Variants in ADGRL3 observed in about 807,000 individuals in gnomAD.
ADGRL3 encodes the protein calcium-independent alpha-latrotoxin receptor 3.
In ADGRL3, 62 loss-of-function variants were observed where a neutral mutation model predicts 153.5. The observed-to-expected ratio is 0.40, with a 90% CI of 0.33 to 0.50. ADGRL3 has a LOEUF of 0.50. Ranked by LOEUF, ADGRL3 falls within the 20% of genes least tolerant of loss-of-function variation. ADGRL3 has a pLI of 0.47. For synonymous variants in ADGRL3, 710 were observed against 672.5 expected (o/e 1.06, Z -0.86); for missense variants, 1,641 against 1,859.4 (o/e 0.88, Z 2.16).
At chr4:61,395,039 G>C (rs898243708) in intron 2 of ADGRL3, among the ~76,000 whole-genome samples, 2 of 151,980 alleles carry the variant, frequency 1.3e-5, no homozygotes, top group African/African-American at 4.8e-5. Flanking sequence ...GAAATCTTCA[G>C]TGTTATTAAT....
At chr4:61,788,788 A>T (rs548153063) in intron 8 of ADGRL3, among the ~76,000 whole-genome samples, 3 of 152,332 alleles carry the variant, frequency 2.0e-5, no homozygotes, top group Admixed American at 1.3e-4. Context: ...AAGTTTAAGG[A>T]TCTATGTACA....
chr4:61,362,717 G>C (rs533839930), intron 1 of ADGRL3, among the ~76,000 whole-genome samples: 171 of 152,190 alleles, frequency 1.1e-3, no homozygotes, highest in Middle Eastern at 6.8e-3. Flanking sequence ...GAGTAGGGCT[G>C]TTCTTACTGT....
At chr4:61,810,076 C>T (rs2097593518) in intron 8 of ADGRL3, among the ~76,000 whole-genome samples, 1 of 151,978 alleles carries the variant, frequency 6.6e-6, no homozygotes, top group Non-Finnish European at 1.5e-5. Flanking sequence ...ATGATCTTAC[C>T]CATTAAACTA....
chr4:61,513,571 C>G (rs759430467), intron 3 of ADGRL3, among the ~76,000 whole-genome samples: 1 of 152,022 alleles, frequency 6.6e-6, no homozygotes, highest in Admixed American at 6.6e-5. Context: ...TTATATTTCA[C>G]GCTTGCCCAC....
intron 8 of ADGRL3, among the ~76,000 whole-genome samples, chr4:61,793,216 A>G (rs1054406031): frequency 1.3e-5 from 2 of 152,074 alleles, no homozygotes; most frequent in African/African-American, 4.8e-5. Flanking sequence ...TGAGGTCAGG[A>G]GGTCAAGACC....
At chr4:61,761,111 G>A (rs989993712) in intron 8 of ADGRL3, among the ~76,000 whole-genome samples, 1 of 152,206 alleles carries the variant, frequency 6.6e-6, no homozygotes, top group Non-Finnish European at 1.5e-5. Context: ...GGTCCATCAA[G>A]TGAAGGTTTG....
intron 2 of ADGRL3, among the ~76,000 whole-genome samples, chr4:61,474,184 G>A (rs2098011631): frequency 6.6e-6 from 1 of 152,174 alleles, no homozygotes; most frequent in Non-Finnish European, 1.5e-5. Context: ...GAGAATGTAA[G>A]ACAACTTGAG....
intron 5 of ADGRL3, among the ~76,000 whole-genome samples, chr4:61,591,130 T>A (rs1434632341): frequency 2.0e-5 from 3 of 152,184 alleles, no homozygotes; most frequent in African/African-American, 7.2e-5. Flanking sequence ...CTATCCTGAT[T>A]TGAAAAACTA....
At chr4:61,341,577 T>C (rs1250016763) in intron 1 of ADGRL3, among the ~76,000 whole-genome samples, 1 of 151,726 alleles carries the variant, frequency 6.6e-6, no homozygotes, top group Non-Finnish European at 1.5e-5. Flanking sequence ...GCATAAGATA[T>C]TCATTTATTT....
chr4:61,246,833 A>AAT (rs1757291584), intron 1 of ADGRL3, among the ~76,000 whole-genome samples: 1 of 151,690 alleles, frequency 6.6e-6, no homozygotes, highest in African/African-American at 2.4e-5. Flanking sequence ...TCAGAAAAAG[A>AAT]ATATATATAT....
intron 1 of ADGRL3, among the ~76,000 whole-genome samples, chr4:61,262,875 G>A (rs1281658497): frequency 1.3e-5 from 2 of 152,028 alleles, no homozygotes; most frequent in Admixed American, 6.6e-5. Flanking sequence ...AAAAACTGCT[G>A]TAACTCAACC....
At position 61,852,810 on chromosome 4, in the gene ADGRL3, T is replaced by TTTTATTTA. The variant is rs145148534; in HGVS notation, c.1480+38952_1480+38959dup. Among the ~76,000 whole-genome samples, 184 of 149,650 alleles carry TTTTATTTA rather than the reference T, an allele frequency of 1.2e-3. 1 individual carries two copies. The highest frequency in any genetic ancestry group is 0.011 in the East Asian group (56 of 4,998). ...ATAGAGGAATCCTGAACTCATCATC[T>TTTTATTTA]TTTATTTATTTATTTATTTATTTAT... On this transcript the variant is annotated intron_variant, in intron 9 of 26. Transcript: ENST00000683033.
intron 9 of ADGRL3, among the ~76,000 whole-genome samples, chr4:61,839,481 C>G (rs2097992065): frequency 6.6e-6 from 1 of 152,020 alleles, no homozygotes; most frequent in African/African-American, 2.4e-5. Context: ...CAGGAATGAG[C>G]CACTGTACCT....
At chr4:61,757,567 C>T (rs916864110) in intron 8 of ADGRL3, among the ~76,000 whole-genome samples, 1 of 152,070 alleles carries the variant, frequency 6.6e-6, no homozygotes, top group Non-Finnish European at 1.5e-5. Context: ...TTTCAAAAAA[C>T]CAGCTCCTGG....
intron 2 of ADGRL3, among the ~76,000 whole-genome samples, chr4:61,420,961 G>GT (rs1272753456): frequency 6.6e-6 from 1 of 152,032 alleles, no homozygotes; most frequent in East Asian, 1.9e-4. Context: ...TTTTAGCTCT[G>GT]TTTTTTAATA....
At chr4:62,040,067 C>T (rs1021151678) in intron 24 of ADGRL3, among the ~76,000 whole-genome samples, 1 of 152,032 alleles carries the variant, frequency 6.6e-6, no homozygotes, top group Non-Finnish European at 1.5e-5. Context: ...GGCCTTGCCA[C>T]GTACCAGCTA....
chr4:61,752,880 G>A (rs2096774027), intron 8 of ADGRL3, among the ~76,000 whole-genome samples: 1 of 152,154 alleles, frequency 6.6e-6, no homozygotes, highest in African/African-American at 2.4e-5. Context: ...ATTGCAGTGA[G>A]CCAAGATTGC....
At chr4:61,869,526 A>C (rs1262072249) in intron 9 of ADGRL3, among the ~76,000 whole-genome samples, 1 of 151,902 alleles carries the variant, frequency 6.6e-6, no homozygotes, top group Admixed American at 6.6e-5. Flanking sequence ...TGAACCCGGG[A>C]AGCGGAGCTT....
At chr4:62,025,737 C>T (rs1718152236) in intron 21 of ADGRL3, among the ~76,000 whole-genome samples, 1 of 152,118 alleles carries the variant, frequency 6.6e-6, no homozygotes, top group African/African-American at 2.4e-5. Context: ...CCTATAAGTT[C>T]CTCTTAACAT....
Sources: gnomAD v4.1 joint callset for allele counts (sites outside exome capture counted in the v4.1 genomes callset) on GRCh38, gnomAD v4.1.1 for gene constraint, MANE v1.5 for transcripts, NCBI Gene and HGNC (gene_info 2026-07-23, HGNC 2026-07-21) for gene names.